MGAT4A: variants seen among roughly 807,000 people sequenced by gnomAD.
MGAT4A encodes the protein alpha-1,3-mannosyl-glycoprotein 4-beta-N-acetylglucosaminyltransferase A.
Under a neutral mutation model 74.1 loss-of-function variants are expected in MGAT4A, and 33 were observed. That is an observed-to-expected ratio of 0.45 (90% confidence interval 0.34 to 0.60). The LOEUF (loss-of-function observed/expected upper bound fraction) is 0.60. MGAT4A is among the 20% of genes least tolerant of loss of function. MGAT4A has a pLI of 0.02. For missense variants in MGAT4A, 479 were observed against 628.3 expected (o/e 0.76, Z 2.54); for synonymous variants, 198 against 210.4 (o/e 0.94, Z 0.51).
intron 14 of MGAT4A, among the ~76,000 whole-genome samples, chr2:98,630,659 T>C (rs759790294): frequency 5.9e-5 from 9 of 152,134 alleles, no homozygotes; most frequent in Non-Finnish European, 1.0e-4. Context: ...GATGTAAAAC[T>C]GGATTATAGG....
At chr2:98,678,532 CA>C in intron 2 of MGAT4A, 61 bp from the exon 3 acceptor site, 1 of 1,114,986 alleles carries the variant, frequency 9.0e-7, no homozygotes, top group Non-Finnish European at 1.2e-6. Flanking sequence ...AATATAATCT[CA>C]ATGGAACTGT....
In MGAT4A at chr2:98,675,152, C is replaced by T. The variant is rs1490414636; in HGVS notation, c.286G>A (p.Glu96Lys). ...FSDNTLKLLKELTSKKSLQVP... is the reference protein window; with the variant it reads ...FSDNTLKLLKKLTSKKSLQVP... ...TGAAGAGATTTTTTGCTTGTTAACT[C>T]CTTTAACAGCTTTAGGGTATTATCT... Residue 96 changes from glutamate to lysine, a missense_variant, in exon 4 of 16, where the codon GAG becomes AAG. Physicochemically the swap from Glu to Lys is moderately conservative, Grantham distance 56. This residue lies in a region of MGAT4A where 205 missense variants were observed against 232.7 expected (regional missense o/e 0.88). Coordinates refer to ENST00000393487, the MANE Select transcript of MGAT4A (RefSeq NM_012214.3). The T allele has an allele frequency of 1.9e-6, 3 of 1,602,114 alleles. No homozygotes were observed. Among genetic ancestry groups the T allele is most frequent in the Non-Finnish European group, 2.6e-6 (3 of 1,170,832 alleles).
At chr2:98,639,784 A>C (rs1454318377) in intron 12 of MGAT4A, 24 bp downstream of exon 12, 1 of 1,565,696 alleles carries the variant, frequency 6.4e-7, no homozygotes. Flanking sequence ...TTGTAAGATC[A>C]CATACATTTC....
At chr2:98,658,946 T>C (rs1454164886) in intron 5 of MGAT4A, among the ~76,000 whole-genome samples, 9 of 152,240 alleles carry the variant, frequency 5.9e-5, no homozygotes, top group African/African-American at 1.9e-4. Flanking sequence ...TATTCACATT[T>C]CACAAACATT....
intron 2 of MGAT4A, among the ~76,000 whole-genome samples, chr2:98,711,908 G>A (rs1326602252): frequency 1.6e-4 from 25 of 152,188 alleles, no homozygotes. Flanking sequence ...ATGGGCATGA[G>A]TCACCACACA....
At chr2:98,677,717 T>C (rs757287405) in intron 3 of MGAT4A, among the ~76,000 whole-genome samples, 1 of 151,926 alleles carries the variant, frequency 6.6e-6, no homozygotes, top group Non-Finnish European at 1.5e-5. Context: ...CCTCCCAAAG[T>C]GCTGGGATTA....
chr2:98,726,515 C>T lies in MGAT4A; in HGVS notation c.-183G>A, dbSNP rs1343783628. ...AGCAGCAATGCTGTTCACAACTGTACTCGGGATCGTCTTTGCGGTCTTCAC... is the reference window on the plus strand; with the variant it reads ...AGCAGCAATGCTGTTCACAACTGTATTCGGGATCGTCTTTGCGGTCTTCAC... On this transcript the variant is annotated 5_prime_UTR_variant, in exon 2 of 16. Transcript: ENST00000393487. The T allele has an allele frequency of 6.0e-6, 3 of 496,202 alleles. No individual in the cohort carries two copies. The highest frequency in any genetic ancestry group is 7.2e-6 in the Non-Finnish European group (2 of 278,926). 30.7% of individuals were successfully genotyped at this position (496,202 alleles called of 1,614,324 possible).
At chr2:98,625,908 G>T in intron 14 of MGAT4A, 73 bp from the exon 15 acceptor site, 1 of 1,094,800 alleles carries the variant, frequency 9.1e-7, no homozygotes, top group Non-Finnish European at 1.3e-6. Flanking sequence ...AGTTAAGGCA[G>T]GAAAGGAATA....
At chr2:98,659,559 T>C (rs1383606559) in intron 5 of MGAT4A, among the ~76,000 whole-genome samples, 2 of 152,182 alleles carry the variant, frequency 1.3e-5, no homozygotes, top group African/African-American at 2.4e-5. Context: ...CCATGTGTTC[T>C]GGGAGGGACC....
chr2:98,656,325 G>T, intron 7 of MGAT4A, 27 bp downstream of exon 7: 1 of 1,376,450 alleles, frequency 7.3e-7, no homozygotes, highest in Non-Finnish European at 1.0e-6. Context: ...TCACAAGTGT[G>T]GAGGATTTTA....
chr2:98,628,398 C>T (rs1701177258), intron 14 of MGAT4A, among the ~76,000 whole-genome samples: 1 of 152,240 alleles, frequency 6.6e-6, no homozygotes. Flanking sequence ...TTTACTTTCT[C>T]TGCACACATT....
chr2:98,647,154 T>A (rs1212174049), intron 8 of MGAT4A, among the ~76,000 whole-genome samples: 2 of 152,108 alleles, frequency 1.3e-5, no homozygotes, highest in Non-Finnish European at 2.9e-5. Context: ...ATGAAATAAG[T>A]GATCTAGGGA....
rs550333129 is a variant in MGAT4A, at chr2:98,689,834, C to CA, written c.95-11364dup. On this transcript the variant is annotated intron_variant, in intron 2 of 15. Coordinates refer to ENST00000393487, the MANE Select transcript of MGAT4A (RefSeq NM_012214.3). ...TGAGACCCTGTCTCAACAACCACCACAAAAAATAAAAAATAAGAAGACTTT... is the reference window on the plus strand; with the variant it reads ...TGAGACCCTGTCTCAACAACCACCACAAAAAAATAAAAAATAAGAAGACTTT... 3.3e-5 allele frequency among the ~76,000 whole-genome samples: 5 copies of CA among 151,808 alleles called. No homozygotes were observed. The South Asian group carries it at 8.3e-4, about 25-fold the overall frequency.
intron 6 of MGAT4A, among the ~76,000 whole-genome samples, chr2:98,656,672 T>A (rs1233760762): frequency 7.9e-5 from 12 of 152,050 alleles, no homozygotes; most frequent in Non-Finnish European, 1.8e-4. Context: ...AGTTTTTTTT[T>A]AAAGTAATGC....
At position 98,622,208 on chromosome 2, in the gene MGAT4A, A is replaced by G; in HGVS notation, c.*3358T>C. The stretch of plus-strand genomic sequence containing the variant: ...TCTGCTTTTAACCTCATGAGAATGT[A>G]TTAATTGTGGTTTCTAAGCTGTTCA... On this transcript the variant is annotated 3_prime_UTR_variant, in exon 16 of 16. Transcript: ENST00000393487. The G allele has an allele frequency of 6.1e-6, 6 of 985,386 alleles. No individual in the cohort carries two copies. The highest frequency in any genetic ancestry group is 7.2e-6 in the Non-Finnish European group (6 of 829,910). 61.0% of individuals were successfully genotyped at this position (985,386 alleles called of 1,614,324 possible).
chr2:98,654,351 C>T (rs576622766), intron 8 of MGAT4A, among the ~76,000 whole-genome samples: 3 of 151,702 alleles, frequency 2.0e-5, no homozygotes, highest in South Asian at 4.2e-4. Context: ...GTACCCAAAC[C>T]GGAAAAGAAG....
chr2:98,643,879 T>C (rs1254379065), intron 10 of MGAT4A, 44 bp downstream of exon 10: 2 of 1,426,870 alleles, frequency 1.4e-6, no homozygotes, highest in Non-Finnish European at 9.3e-7. Flanking sequence ...TTTCACGAAA[T>C]ACAGAAGTGA....
chr2:98,700,551 A>T (rs1368981845), intron 2 of MGAT4A, among the ~76,000 whole-genome samples: 5 of 152,096 alleles, frequency 3.3e-5, no homozygotes, highest in African/African-American at 4.8e-5. Context: ...TTGCAAATCA[A>T]AACCAATTAA....
At chr2:98,669,165 G>A (rs577510574) in intron 4 of MGAT4A, among the ~76,000 whole-genome samples, 8 of 152,236 alleles carry the variant, frequency 5.3e-5, no homozygotes, top group East Asian at 3.9e-4. Flanking sequence ...GGCCAGGGGC[G>A]GAATGATATG....
Sources: gnomAD v4.1 joint callset for allele counts (sites outside exome capture counted in the v4.1 genomes callset) on GRCh38, gnomAD v4.1.1 for gene constraint, gnomAD v4.1.1 regional missense constraint, MANE v1.5 for transcripts, NCBI Gene and HGNC (gene_info 2026-07-23, HGNC 2026-07-21) for gene names.